The following LRRC4C variants were observed in gnomAD, a reference collection of about 807,000 sequenced individuals.
LRRC4C encodes leucine rich repeat containing 4C.
In LRRC4C, 5 loss-of-function variants were observed where a neutral mutation model predicts 33.6. The observed-to-expected ratio is 0.15, with a 90% CI of 0.08 to 0.31. The LOEUF is 0.31. Ranked by LOEUF, LRRC4C falls within the 10% of genes least tolerant of loss-of-function variation. LRRC4C has a pLI of 1.00. For missense variants in LRRC4C, 560 were observed against 796.7 expected, an observed-to-expected ratio of 0.70 and a Z score of 3.58; for synonymous variants, 329 against 302.0, an observed-to-expected ratio of 1.09 and a Z score of -0.93.
chr11:40,977,930 C>A (rs958528953), intron 1 of LRRC4C, among the ~76,000 whole-genome samples: 3 of 152,106 alleles, frequency 2.0e-5, no homozygotes, highest in Admixed American at 2.0e-4. Context: ...TGAAGGCACA[C>A]AGGAAAAAAA....
At chr11:40,812,563 T>C (rs980566075) in intron 2 of LRRC4C, among the ~76,000 whole-genome samples, 3 of 152,146 alleles carry the variant, frequency 2.0e-5, no homozygotes, top group East Asian at 1.9e-4. Context: ...CCCTGGAGCA[T>C]TTAAGAGATA....
chr11:40,595,016 T>C (rs1959199112), intron 3 of LRRC4C, among the ~76,000 whole-genome samples: 1 of 152,156 alleles, frequency 6.6e-6, no homozygotes, highest in Admixed American at 6.5e-5. Context: ...AAGTTTTAAA[T>C]ATTGAATAGT....
intron 2 of LRRC4C, among the ~76,000 whole-genome samples, chr11:40,804,998 G>C (rs1591767000): frequency 6.6e-6 from 1 of 152,276 alleles, no homozygotes; most frequent in East Asian, 1.9e-4. Flanking sequence ...CCAGTGTCCA[G>C]CTCACCTTTC....
At chr11:41,016,135 A>G (rs1164988946) in intron 1 of LRRC4C, among the ~76,000 whole-genome samples, 3 of 150,894 alleles carry the variant, frequency 2.0e-5, no homozygotes, top group African/African-American at 7.3e-5. Context: ...ATCTAAACAA[A>G]TCAACACACA....
intron 3 of LRRC4C, among the ~76,000 whole-genome samples, chr11:40,510,888 T>C (rs189559740): frequency 2.6e-4 from 39 of 152,222 alleles, no homozygotes; most frequent in African/African-American, 8.9e-4. Flanking sequence ...AAGATTTGGA[T>C]ATTGGGCAAA....
intron 1 of LRRC4C, among the ~76,000 whole-genome samples, chr11:40,972,726 A>C (rs1363026564): frequency 6.6e-6 from 1 of 152,154 alleles, no homozygotes; most frequent in African/African-American, 2.4e-5. Flanking sequence ...CTCACTCGCT[A>C]TCATGAGAAC....
At chr11:41,156,983 G>A (rs1180919940) in intron 1 of LRRC4C, among the ~76,000 whole-genome samples, 4 of 152,034 alleles carry the variant, frequency 2.6e-5, no homozygotes, top group Non-Finnish European at 5.9e-5. Context: ...AAAAGGGATT[G>A]GAGAAGTGTT....
At chr11:41,376,309 G>A (rs978221649) in intron 1 of LRRC4C, among the ~76,000 whole-genome samples, 8 of 152,124 alleles carry the variant, frequency 5.3e-5, no homozygotes, top group East Asian at 3.9e-4. Context: ...GGAACTTGCC[G>A]GTAGAAAAAA....
At chr11:40,440,839 C>T (rs940971677) in intron 3 of LRRC4C, among the ~76,000 whole-genome samples, 1 of 149,300 alleles carries the variant, frequency 6.7e-6, no homozygotes, top group Non-Finnish European at 1.5e-5. Context: ...ATTTTGTGCA[C>T]AGCTGCAATC....
chr11:40,318,668 A>T (rs1945695264), intron 4 of LRRC4C, among the ~76,000 whole-genome samples: 1 of 152,196 alleles, frequency 6.6e-6, no homozygotes, highest in Admixed American at 6.5e-5. Context: ...CCATTGAGAC[A>T]AGTCCACTGA....
intron 2 of LRRC4C, among the ~76,000 whole-genome samples, chr11:40,775,619 A>T (rs1005462599): frequency 1.3e-5 from 2 of 152,166 alleles, no homozygotes; most frequent in African/African-American, 2.4e-5. Flanking sequence ...ATTTTGGAGC[A>T]TTGATTTTGT....
intron 1 of LRRC4C, among the ~76,000 whole-genome samples, chr11:41,323,715 T>C (rs1028411199): frequency 6.6e-6 from 1 of 152,176 alleles, no homozygotes; most frequent in Middle Eastern, 3.2e-3. Flanking sequence ...CCGTCTTACA[T>C]CTGAGAGAAT....
intron 1 of LRRC4C, among the ~76,000 whole-genome samples, chr11:41,365,232 T>C (rs1408007227): frequency 2.0e-5 from 3 of 152,174 alleles, no homozygotes; most frequent in Middle Eastern, 3.4e-3. Context: ...AAACTGTGCA[T>C]GCAAGGGATC....
chr11:40,810,446 A>T lies in LRRC4C; in HGVS notation c.-407+123189T>A, dbSNP rs1267274468. Among the ~76,000 whole-genome samples the T allele has an allele frequency of 2.0e-5, 3 of 152,180 alleles. No homozygotes were observed. In the East Asian group the frequency reaches 5.8e-4, roughly 29 times the overall value. On this transcript the variant is annotated intron_variant, in intron 2 of 6. Transcript: ENST00000528697. ...TTCCAAGATGATCTTATTTTGTCCA[A>T]TAGTTTTAAATAACATCTGTAAGCT...
intron 2 of LRRC4C, among the ~76,000 whole-genome samples, chr11:40,707,186 A>G (rs1946211156): frequency 6.6e-6 from 1 of 152,080 alleles, no homozygotes; most frequent in Non-Finnish European, 1.5e-5. Context: ...TCTTTTCCTA[A>G]TTGAATATCC....
intron 4 of LRRC4C, among the ~76,000 whole-genome samples, chr11:40,284,503 T>A (rs2136485204): frequency 6.6e-6 from 1 of 152,004 alleles, no homozygotes; most frequent in South Asian, 2.1e-4. Context: ...TTCAAGAATA[T>A]AAAGAGGATG....
chr11:41,192,114 T>C (rs1241747707), intron 1 of LRRC4C, among the ~76,000 whole-genome samples: 3 of 152,154 alleles, frequency 2.0e-5, no homozygotes, highest in Non-Finnish European at 4.4e-5. Context: ...TTGAAGTGTC[T>C]TCTGTGGCTA....
At chr11:40,950,428 A>T (rs2136708791) in intron 1 of LRRC4C, among the ~76,000 whole-genome samples, 1 of 152,170 alleles carries the variant, frequency 6.6e-6, no homozygotes, top group Admixed American at 6.6e-5. Context: ...AATGAAATGT[A>T]ATTTTCCCCA....
intron 1 of LRRC4C, among the ~76,000 whole-genome samples, chr11:40,984,856 A>G (rs924225566): frequency 4.9e-5 from 7 of 142,136 alleles, no homozygotes; most frequent in African/African-American, 7.7e-5. Flanking sequence ...CTTAAAGACC[A>G]CATCACATTA....
Sources: allele counts gnomAD v4.1 joint callset (sites outside exome capture counted in the v4.1 genomes callset), GRCh38; gene constraint gnomAD v4.1.1; transcripts MANE v1.5; gene names NCBI Gene and HGNC (gene_info 2026-07-23, HGNC 2026-07-21).